GPHN: variants seen among roughly 807,000 people sequenced by gnomAD.
GPHN encodes the protein gephyrin.
In GPHN, 17 loss-of-function variants were observed where a neutral mutation model predicts 95.5. The observed-to-expected ratio is 0.18, with a 90% CI of 0.12 to 0.27. GPHN has a LOEUF of 0.27. GPHN is among the 10% of genes least tolerant of loss of function. The pLI, the probability that GPHN is intolerant of heterozygous loss-of-function variation, is 1.00. For missense variants in GPHN, 660 were observed against 978.1 expected (o/e 0.67, Z 4.34); for synonymous variants, 320 against 322.5 (o/e 0.99, Z 0.08).
Position 66,854,753 on chromosome 14 carries a change from T to C in GPHN, c.295-25186T>C, listed in dbSNP as rs75338288. On this transcript the variant is annotated intron_variant, in intron 4 of 22. Coordinates refer to ENST00000478722, the MANE Select transcript of GPHN (RefSeq NM_020806.5). ...ATTCACATATCATACAATTCATTCA[T>C]TGAAAGTGTAAAATTTAATGGTTTT... is the stretch of plus-strand genomic sequence containing the variant. 3.1e-3 allele frequency among the ~76,000 whole-genome samples: 470 copies of C among 152,316 alleles called. 11 individuals are homozygous for C. Among genetic ancestry groups the C allele is most frequent in the African/African-American group, 0.011 (445 of 41,576 alleles).
At chr14:66,577,780 A>C (rs986979476) in intron 1 of GPHN, among the ~76,000 whole-genome samples, 2 of 151,946 alleles carry the variant, frequency 1.3e-5, no homozygotes, top group Admixed American at 1.3e-4. Flanking sequence ...AGATTTCACT[A>C]TGGACAGAAT....
At chr14:67,491,910 A>G in the GPHN span, among the ~76,000 whole-genome samples, 1 of 152,174 alleles carries the variant, frequency 6.6e-6, no homozygotes, top group Non-Finnish European at 1.5e-5. Context: ...CCTGCCTGGC[A>G]TGGGGAAGGT....
intron 1 of GPHN, among the ~76,000 whole-genome samples, chr14:66,670,004 A>G (rs2066213330): frequency 6.6e-6 from 1 of 152,094 alleles, no homozygotes; most frequent in Admixed American, 6.6e-5. Flanking sequence ...ATGACAACTT[A>G]TTTTTTAATA....
At chr14:66,757,363 A>C (rs867755522) in intron 2 of GPHN, among the ~76,000 whole-genome samples, 2 of 116,824 alleles carry the variant, frequency 1.7e-5, no homozygotes, top group South Asian at 2.8e-4. Context: ...CACACACACA[A>C]ATATAAATGG....
At chr14:67,691,174 A>G in the GPHN span, 7 of 1,613,984 alleles carry the variant, frequency 4.3e-6, no homozygotes, top group African/African-American at 2.7e-5. Flanking sequence ...TCTCAAAGCC[A>G]TCTGCTGTCT....
chr14:67,120,929 G>A (rs1226899122), intron 16 of GPHN, among the ~76,000 whole-genome samples: 1 of 152,114 alleles, frequency 6.6e-6, no homozygotes, highest in Admixed American at 6.6e-5. Flanking sequence ...CTATTGTAAG[G>A]GGACAGTTGG....
the GPHN span, among the ~76,000 whole-genome samples, chr14:67,456,234 C>G: frequency 6.6e-6 from 1 of 152,196 alleles, no homozygotes; most frequent in African/African-American, 2.4e-5. Flanking sequence ...CATCACTAAT[C>G]ATAAGAGAAA....
intron 1 of GPHN, among the ~76,000 whole-genome samples, chr14:66,656,126 T>C (rs1435062751): frequency 6.6e-6 from 1 of 152,202 alleles, no homozygotes; most frequent in Non-Finnish European, 1.5e-5. Flanking sequence ...AATATCCATT[T>C]GGATATTCCC....
intron 11 of GPHN, among the ~76,000 whole-genome samples, chr14:67,073,067 T>C (rs1421007808): frequency 3.9e-5 from 6 of 152,102 alleles, no homozygotes; most frequent in Admixed American, 6.6e-5. Flanking sequence ...CATATAAACT[T>C]TGTTTTTTTA....
chr14:66,567,864 G>A (rs1202839346), intron 1 of GPHN, among the ~76,000 whole-genome samples: 3 of 152,054 alleles, frequency 2.0e-5, no homozygotes, highest in African/African-American at 7.2e-5. Context: ...ACCAAGTGCT[G>A]CAAGATCTAT....
intron 1 of GPHN, among the ~76,000 whole-genome samples, chr14:66,592,693 A>G (rs9732481): frequency 6.6e-6 from 1 of 152,196 alleles, no homozygotes; most frequent in African/African-American, 2.4e-5. Context: ...CCACTTTTAC[A>G]CTGTTGGTCA....
At chr14:67,248,564 C>T in the GPHN span, among the ~76,000 whole-genome samples, 1 of 152,150 alleles carries the variant, frequency 6.6e-6, no homozygotes, top group African/African-American at 2.4e-5. Flanking sequence ...AGTTAATAGT[C>T]TCAAACACCC....
At chr14:67,640,880 T>C in the GPHN span, among the ~76,000 whole-genome samples, 1 of 152,164 alleles carries the variant, frequency 6.6e-6, no homozygotes, top group African/African-American at 2.4e-5. Flanking sequence ...AGGATAGAGG[T>C]TGAGCGTCCC....
At chr14:67,713,739 G>A in the GPHN span, among the ~76,000 whole-genome samples, 1 of 152,220 alleles carries the variant, frequency 6.6e-6, no homozygotes, top group Non-Finnish European at 1.5e-5. Context: ...GACGACATGT[G>A]TCCAGGATGG....
At chr14:67,641,846 C>T in the GPHN span, among the ~76,000 whole-genome samples, 77 of 152,224 alleles carry the variant, frequency 5.1e-4, no homozygotes, top group African/African-American at 1.8e-3. Context: ...ACTTAATTTC[C>T]TTTAAAATTG....
intron 17 of GPHN, among the ~76,000 whole-genome samples, chr14:67,129,923 A>G (rs181597552): frequency 1.3e-5 from 2 of 152,206 alleles, no homozygotes; most frequent in East Asian, 3.9e-4. Flanking sequence ...CCCTTGACAA[A>G]ATATCAACTA....
At chr14:66,664,319 G>A (rs2065826308) in intron 1 of GPHN, among the ~76,000 whole-genome samples, 1 of 152,108 alleles carries the variant, frequency 6.6e-6, no homozygotes, top group South Asian at 2.1e-4. Flanking sequence ...TAGAACTAAA[G>A]TCTGAAGAAA....
At chr14:66,544,521 G>A (rs1196462726) in intron 1 of GPHN, among the ~76,000 whole-genome samples, 1 of 151,662 alleles carries the variant, frequency 6.6e-6, no homozygotes, top group Non-Finnish European at 1.5e-5. Flanking sequence ...CTTGCACATT[G>A]TAAGTGCCCA....
chr14:66,953,414 T>A (rs2068256240), intron 8 of GPHN, among the ~76,000 whole-genome samples: 1 of 152,094 alleles, frequency 6.6e-6, no homozygotes, highest in Non-Finnish European at 1.5e-5. Flanking sequence ...TCGTGAAGAT[T>A]TACCTTTATG....
Sources: allele counts gnomAD v4.1 joint callset (sites outside exome capture counted in the v4.1 genomes callset), GRCh38; gene constraint gnomAD v4.1.1; transcripts MANE v1.5; gene names NCBI Gene and HGNC (gene_info 2026-07-23, HGNC 2026-07-21).